The following ANKRD36 variants were observed in gnomAD, a reference collection of about 807,000 sequenced individuals.
ANKRD36 encodes ankyrin repeat domain 36, also known as ankyrin repeat domain-containing protein 36A.
Under a neutral mutation model 278.1 loss-of-function variants are expected in ANKRD36, and 179 were observed. That is an observed-to-expected ratio of 0.64 (90% CI 0.57 to 0.73). The LOEUF is 0.73. Ranked by LOEUF, ANKRD36 falls within the 30% of genes least tolerant of loss-of-function variation. ANKRD36 has a pLI of 0.00. For missense variants in ANKRD36, 1,159 were observed against 1,956.7 expected, an observed-to-expected ratio of 0.59 and a Z score of 7.69; for synonymous variants, 320 against 641.1, an observed-to-expected ratio of 0.50 and a Z score of 7.57.
intron 66 of ANKRD36, among the ~76,000 whole-genome samples, 171 bp from the exon 67 acceptor site, chr2:97,224,635 A>G (rs2068823647): frequency 6.6e-6 from 1 of 151,964 alleles, no homozygotes; most frequent in Non-Finnish European, 1.5e-5. Context: ...ATTTTTTAGT[A>G]GAGACGAGGT....
intron 6 of ANKRD36, among the ~76,000 whole-genome samples, chr2:97,128,544 G>A (rs961916758): frequency 1.3e-5 from 2 of 152,080 alleles, no homozygotes; most frequent in East Asian, 1.9e-4. Flanking sequence ...GGCTATTGAT[G>A]TGATTGGTAT....
At chr2:97,141,271 T>G (rs2042852021) in intron 6 of ANKRD36, among the ~76,000 whole-genome samples, 1 of 139,636 alleles carries the variant, frequency 7.2e-6, no homozygotes, top group Non-Finnish European at 1.5e-5. Flanking sequence ...GGTTGGTTAT[T>G]AATAAGAAAA....
chr2:97,219,610 T>A (rs1230088188), intron 66 of ANKRD36, among the ~76,000 whole-genome samples: 1 of 145,708 alleles, frequency 6.9e-6, no homozygotes, highest in Non-Finnish European at 1.5e-5. Flanking sequence ...GCCTCCCGAG[T>A]AGCTGGGATT....
chr2:97,197,185 C>T (rs1416796288), intron 42 of ANKRD36, among the ~76,000 whole-genome samples: 6 of 151,864 alleles, frequency 4.0e-5, no homozygotes, highest in African/African-American at 1.4e-4. Flanking sequence ...ATAACCCGTA[C>T]ACACTGTAGG....
intron 6 of ANKRD36, among the ~76,000 whole-genome samples, chr2:97,132,588 C>T (rs541097463): frequency 6.6e-6 from 1 of 152,072 alleles, no homozygotes; most frequent in South Asian, 2.1e-4. Context: ...TGATCGTAGT[C>T]ACAGGTCACA....
intron 67 of ANKRD36, among the ~76,000 whole-genome samples, chr2:97,230,325 CTTTG>C (rs2071498102): frequency 6.6e-6 from 1 of 152,032 alleles, no homozygotes; most frequent in South Asian, 2.1e-4. Flanking sequence ...TTCTTGGAGG[CTTTG>C]TTTGTTTCTT....
intron 20 of ANKRD36, among the ~76,000 whole-genome samples, chr2:97,166,983 A>T (rs1421605421): frequency 6.8e-6 from 1 of 147,278 alleles, no homozygotes; most frequent in Non-Finnish European, 1.5e-5. Flanking sequence ...ATTAACATGA[A>T]AAAAGCCTCT....
intron 62 of ANKRD36, chr2:97,216,951 A>T: frequency 9.1e-7 from 1 of 1,103,326 alleles, no homozygotes; most frequent in Admixed American, 2.0e-5. Flanking sequence ...TAGACATATG[A>T]CAAATCATAC....
Position 97,158,642 on chromosome 2 carries a change from A to T in ANKRD36, c.1376A>T (p.Gln459Leu). The part of the protein sequence containing the change: ...KTENGNMFED[Q>L]NVDKEGKALP... ...GAAAATGGAAACATGTTTGAAGACC[A>T]AAATGTTGATAAGGTAAATGAAGAT... Residue 459 changes from glutamine (Q) to leucine (L), a missense_variant, in exon 17 of 76, where the codon CAA becomes CTA. Transcript: ENST00000420699. The T allele has an allele frequency of 6.5e-7, 1 of 1,536,488 alleles. No individual in the cohort carries two copies. Among genetic ancestry groups the T allele is most frequent in the African/African-American group, 1.4e-5 (1 of 73,176 alleles).
rs2064755549 is a variant in ANKRD36 at position 97,211,889 on chromosome 2, A to AC, written c.3469+151dup. On this transcript the variant is annotated intron_variant, in intron 58 of 75. Coordinates refer to ENST00000420699, the MANE Select transcript of ANKRD36 (RefSeq NM_001354587.1). The stretch of plus-strand genomic sequence containing the variant: ...TTCATTTGTAATAAGTTCTCGGGTG[A>AC]CCCTGATGCTGTGGTCCTTGGCCAT... 2.7e-6 allele frequency: 3 copies of AC among 1,111,460 alleles called. No homozygotes were observed. In the African/African-American group the frequency reaches 4.8e-5, roughly 18 times the overall value. The allele number at this position is 1,111,460 out of a possible 1,614,324, so 68.8% of individuals were successfully genotyped here.
chr2:97,163,471 C>G (rs972978094), intron 18 of ANKRD36: 2 of 328,720 alleles, frequency 6.1e-6, no homozygotes, highest in Non-Finnish European at 1.2e-5. Context: ...CAGAAGCCTT[C>G]ATGACTGTGG....
intron 20 of ANKRD36, among the ~76,000 whole-genome samples, chr2:97,166,974 TTAACATGAAAAAAGCCTC>T (rs1210308963): frequency 6.7e-6 from 1 of 148,442 alleles, no homozygotes; most frequent in Admixed American, 6.7e-5. Flanking sequence ...AATATTTTGA[TTAACATGAAAAAAGCCTC>T]TGATGTTTCA....
chr2:97,215,597 G>A, intron 62 of ANKRD36, 100 bp downstream of exon 62: 1 of 1,566,082 alleles, frequency 6.4e-7, no homozygotes. Flanking sequence ...TTTTATGTTT[G>A]GATTCAGCAT....
At chr2:97,132,029 G>A (rs190734170) in intron 6 of ANKRD36, among the ~76,000 whole-genome samples, 2 of 151,814 alleles carry the variant, frequency 1.3e-5, no homozygotes, top group African/African-American at 2.4e-5. Context: ...GGGTTTCACC[G>A]TGTTAGCCAG....
At chr2:97,196,661 A>G in intron 41 of ANKRD36, 40 bp downstream of exon 41, 4 of 1,599,064 alleles carry the variant, frequency 2.5e-6, no homozygotes, top group East Asian at 4.5e-5. Flanking sequence ...GAGTTAATGT[A>G]TGGTCTATGA....
intron 40 of ANKRD36, 70 bp from the exon 41 acceptor site, chr2:97,196,523 T>A (rs1901501): frequency 0.84 from 1,337,055 of 1,592,430 alleles, 577,631 homozygotes; most frequent in Non-Finnish European, 0.89. Context: ...TGATGCTAAC[T>A]CTGCTTGAAT....
intron 22 of ANKRD36, among the ~76,000 whole-genome samples, chr2:97,176,300 G>T (rs1320437163): frequency 6.8e-6 from 1 of 147,146 alleles, no homozygotes; most frequent in African/African-American, 2.5e-5. Context: ...TTATGAATCT[G>T]GGTGCTCCTG....
intron 22 of ANKRD36, 62 bp from the exon 23 acceptor site, chr2:97,179,676 T>A (rs2443856): frequency 2.5e-5 from 39 of 1,589,106 alleles, no homozygotes; most frequent in Middle Eastern, 2.3e-4. Context: ...TCCATGCATT[T>A]ATGTATGGAT....
chr2:97,117,787 T>C (rs1247489676), intron 1 of ANKRD36, among the ~76,000 whole-genome samples: 26 of 151,992 alleles, frequency 1.7e-4, no homozygotes, highest in Admixed American at 3.3e-4. Flanking sequence ...TATTCTCTTA[T>C]ATATTTTATT....
Sources: gnomAD v4.1 joint callset for allele counts (sites outside exome capture counted in the v4.1 genomes callset) on GRCh38, gnomAD v4.1.1 for gene constraint, MANE v1.5 for transcripts, NCBI Gene and HGNC (gene_info 2026-07-23, HGNC 2026-07-21) for gene names.